KCNQ2: variants seen among roughly 807,000 people sequenced by gnomAD.
KCNQ2 encodes potassium voltage-gated channel subfamily KQT member 2.
A neutral mutation model predicts 84.8 loss-of-function variants in KCNQ2; 14 were observed. That is an observed-to-expected ratio of 0.17 (90% CI 0.11 to 0.26). The LOEUF (loss-of-function observed/expected upper bound fraction) is 0.26. Among genes scored for constraint, KCNQ2 ranks in the 10% least tolerant of loss-of-function variants. The pLI is 1.00. For missense variants in KCNQ2, 788 were observed against 1,254.0 expected, an observed-to-expected ratio of 0.63 and a Z score of 5.61; for synonymous variants, 599 against 554.1, an observed-to-expected ratio of 1.08 and a Z score of -1.14.
intron 1 of KCNQ2, among the ~76,000 whole-genome samples, chr20:63,468,018 A>G (rs2082122721): frequency 6.6e-6 from 1 of 152,238 alleles, no homozygotes; most frequent in African/African-American, 2.4e-5. Flanking sequence ...GAATGTGCAC[A>G]GAGATTGACT....
intron 4 of KCNQ2, chr20:63,443,481 C>T (rs1179689860): frequency 2.0e-4 from 14 of 70,858 alleles, no homozygotes; most frequent in East Asian, 5.7e-4. Flanking sequence ...ACCATCATCA[C>T]CACCACCATC....
intron 1 of KCNQ2, chr20:63,453,834 A>G (rs6010942): frequency 0.32 from 48,743 of 151,930 alleles, 8,192 homozygotes; most frequent in East Asian, 0.52. Context: ...GCGTATCTGC[A>G]TCCCACCGAG....
In KCNQ2 at chr20:63,407,334, G is replaced by A. The variant is rs760044575; in HGVS notation, c.1929C>T (p.Ile643=). Residue 643 remains isoleucine, a synonymous_variant, in exon 17 of 17, where the codon ATC becomes ATT. Transcript: ENST00000359125. This position sits in a 1 kb window ranked among gnomAD's most constrained non-coding sequence, Gnocchi z 7.2. ...GGGGGATGCCCATCCGCTGCATGTA[G>A]ATATTCACCAGGAAGTCCAGCTTCT... The part of the protein sequence containing the change: ...MEKKLDFLVN[I]YMQRMGIPPT... 4.4e-6 allele frequency: 7 copies of A among 1,597,550 alleles called. No homozygotes were observed. Among genetic ancestry groups the A allele is most frequent in the Middle Eastern group, 1.6e-4 (1 of 6,070 alleles).
chr20:63,469,404 G>A (rs1433427346), intron 1 of KCNQ2, among the ~76,000 whole-genome samples: 1 of 152,234 alleles, frequency 6.6e-6, no homozygotes, highest in Non-Finnish European at 1.5e-5. Context: ...TCCCACAGAG[G>A]AGCAACAGTG....
At position 63,407,646 on chromosome 20, in the gene KCNQ2, A is replaced by G. The variant is rs2079991317; in HGVS notation, c.1888-271T>C. On this transcript the variant is annotated intron_variant, in intron 16 of 16. Coordinates refer to ENST00000359125, the MANE Select transcript of KCNQ2 (RefSeq NM_172107.4). The surrounding 1 kb of genome is among the most constrained non-coding windows in gnomAD (Gnocchi z 7.2). Reference sequence around the variant, plus strand: ...TGGGGGACCCAGGCTAGTCCCAGGAAATGGGGGGGACCCAGGCTGGTCCTA... The same window carrying G: ...TGGGGGACCCAGGCTAGTCCCAGGAGATGGGGGGGACCCAGGCTGGTCCTA... 6.7e-6 allele frequency among the ~76,000 whole-genome samples: 1 copy of G among 149,112 alleles called. No homozygotes were observed. The highest frequency in any genetic ancestry group is 6.6e-5 in the Admixed American group (1 of 15,038).
At chr20:63,416,355 C>T (rs1025817854) in intron 12 of KCNQ2, among the ~76,000 whole-genome samples, 34 of 152,194 alleles carry the variant, frequency 2.2e-4, no homozygotes, top group Non-Finnish European at 1.5e-4. Flanking sequence ...TCAACTCCAG[C>T]GTCCGCCGGG....
intron 5 of KCNQ2, 58 bp downstream of exon 5, chr20:63,442,348 G>A (rs1025370284): frequency 3.1e-5 from 50 of 1,612,772 alleles, no homozygotes; most frequent in Non-Finnish European, 4.2e-5. Context: ...CCTGGTCCCA[G>A]CACAGGGACA....
rs773842169 is a variant in KCNQ2 at position 63,444,767 on chromosome 20, T to C, written c.582A>G (p.Thr194=). 6.2e-7 allele frequency: 1 copy of C among 1,608,432 alleles called. No homozygotes were observed. The highest frequency in any genetic ancestry group is 1.7e-5 in the Admixed American group (1 of 59,410). ...GGAAGCGCAGGCTCCGGAGCGCAGATGTGGCAAAGACGTTGCCCTGGGAGC... is the reference window on the plus strand; with the variant it reads ...GGAAGCGCAGGCTCCGGAGCGCAGACGTGGCAAAGACGTTGCCCTGGGAGC... ...AAGSQGNVFA[T]SALRSLRFLQ... Residue 194 remains threonine (T), a synonymous_variant, in exon 4 of 17, where the codon ACA becomes ACG. Transcript: ENST00000359125.
intron 12 of KCNQ2, among the ~76,000 whole-genome samples, chr20:63,416,165 G>A (rs1379125282): frequency 6.6e-6 from 1 of 152,202 alleles, no homozygotes; most frequent in African/African-American, 2.4e-5. Flanking sequence ...CCCAGGGCAG[G>A]GGGAGGCAGC....
At chr20:63,461,533 C>T (rs1392967549) in intron 1 of KCNQ2, among the ~76,000 whole-genome samples, 3 of 152,200 alleles carry the variant, frequency 2.0e-5, no homozygotes, top group Non-Finnish European at 4.4e-5. Context: ...CACGAGGAGC[C>T]GCAACTGCAG....
intron 1 of KCNQ2, among the ~76,000 whole-genome samples, chr20:63,458,101 G>A (rs776395115): frequency 7.2e-6 from 1 of 138,936 alleles, no homozygotes; most frequent in Non-Finnish European, 1.6e-5. Context: ...CCCCGACCCC[G>A]CAACCTCCCT....
At chr20:63,421,827 G>A (rs1275489133) in intron 11 of KCNQ2, among the ~76,000 whole-genome samples, 3 of 151,928 alleles carry the variant, frequency 2.0e-5, no homozygotes, top group Non-Finnish European at 4.4e-5. Flanking sequence ...GACCCCCCGG[G>A]ACCCCCCTGG....
chr20:63,409,784 CCT>C (rs1270120329), intron 15 of KCNQ2, among the ~76,000 whole-genome samples: 2 of 147,194 alleles, frequency 1.4e-5, no homozygotes, highest in Non-Finnish European at 1.5e-5. Context: ...GCCCTACCTG[CCT>C]CTGATGGGGG....
intron 12 of KCNQ2, among the ~76,000 whole-genome samples, chr20:63,415,397 A>G (rs1388759768): frequency 4.4e-5 from 1 of 22,618 alleles, no homozygotes; most frequent in East Asian, 2.2e-3. Flanking sequence ...GGCGGGAGGG[A>G]GGGGGGGAGG....
At chr20:63,431,278 A>T (rs531814304) in intron 9 of KCNQ2, 62 bp downstream of exon 9, 1 of 1,594,186 alleles carries the variant, frequency 6.3e-7, no homozygotes, top group African/African-American at 1.3e-5. Context: ...GCCCGGTCAC[A>T]GTTCCAGACA....
chr20:63,469,172 GTGATCTGGCCCA>G (rs371033997), intron 1 of KCNQ2, among the ~76,000 whole-genome samples: 8 of 152,182 alleles, frequency 5.3e-5, no homozygotes, highest in African/African-American at 1.7e-4. Context: ...GCCCCCCATG[GTGATCTGGCCCA>G]GAGTCCCCTG....
rs1228092816 is a variant in KCNQ2 at position 63,433,907 on chromosome 20, C to A, written c.1024-4G>T. On this transcript the variant is annotated splice_region_variant and splice_polypyrimidine_tract_variant and intron_variant, in intron 7 of 16. Coordinates refer to ENST00000359125, the MANE Select transcript of KCNQ2 (RefSeq NM_172107.4). ...TGGCGTAGAATCTCCAGGCCGACTGCGGAGGGAAAGACAAGGCAGTTGGCG... is the reference window on the plus strand; with the variant it reads ...TGGCGTAGAATCTCCAGGCCGACTGAGGAGGGAAAGACAAGGCAGTTGGCG... 15 of 1,612,890 alleles carry A rather than the reference C, an allele frequency of 9.3e-6. No individual in the cohort carries two copies. Among genetic ancestry groups the A allele is most frequent in the Non-Finnish European group, 1.3e-5 (15 of 1,179,730 alleles).
At chr20:63,434,233 C>A (rs371429470) in intron 7 of KCNQ2, 7 of 374,392 alleles carry the variant, frequency 1.9e-5, no homozygotes, top group African/African-American at 1.2e-4. Context: ...GCGGGTATCA[C>A]CTGTCCTGGG....
At position 63,472,570 on chromosome 20, in the gene KCNQ2, C is replaced by G; in HGVS notation, c.-107G>C. On this transcript the variant is annotated 5_prime_UTR_variant, in exon 1 of 17. Coordinates refer to ENST00000359125, the MANE Select transcript of KCNQ2 (RefSeq NM_172107.4). ...GCCCCCCGGCCGGGAGCCGCATGGC[C>G]GAGGCGGCGGTTCCGCACTCCTGCC... The G allele has an allele frequency of 2.0e-6, 2 of 1,021,804 alleles. No individual in the cohort carries two copies. The highest frequency in any genetic ancestry group is 1.2e-6 in the Non-Finnish European group (1 of 812,510). The allele number at this position is 1,021,804 out of a possible 1,614,324, so 63.3% of individuals were successfully genotyped here.
Sources: gnomAD v4.1 joint callset for allele counts (sites outside exome capture counted in the v4.1 genomes callset) on GRCh38, gnomAD v4.1.1 for gene constraint, Gnocchi (gnomAD v3.1) non-coding constraint, MANE v1.5 for transcripts, NCBI Gene and HGNC (gene_info 2026-07-23, HGNC 2026-07-21) for gene names.